Variants in TANC1 observed in about 807,000 individuals in gnomAD.
TANC1 encodes protein TANC1.
Under a neutral mutation model 149.7 loss-of-function variants are expected in TANC1, and 77 were observed. The ratio of observed to expected loss-of-function variants is 0.51; its 90% CI spans 0.43 to 0.62. The LOEUF (loss-of-function observed/expected upper bound fraction) is 0.62, where lower values mean the gene tolerates loss of function less well. TANC1 is among the 20% of genes least tolerant of loss of function. The probability of loss-of-function intolerance (pLI) is 0.00; values close to 1 mark genes in which losing one functional copy is unlikely to be tolerated. For missense variants in TANC1, 1,985 were observed against 2,321.8 expected, an observed-to-expected ratio of 0.85 and a Z score of 2.98; for synonymous variants, 854 against 925.0, an observed-to-expected ratio of 0.92 and a Z score of 1.39.
At position 159,217,511 on chromosome 2, in the gene TANC1, G is replaced by A. The variant is rs372287259; in HGVS notation, c.3259G>A (p.Ala1087Thr). 68 of 1,614,050 alleles carry A rather than the reference G, an allele frequency of 4.2e-5. No homozygotes were observed. The highest frequency in any genetic ancestry group is 6.7e-5 in the African/African-American group (5 of 74,914). ...CTTTCCTTTAGCCCTGACTGCCGCCGCAGGAAGAGGGAAGCTGGAGGTCTG... is the reference window on the plus strand; with the variant it reads ...CTTTCCTTTAGCCCTGACTGCCGCCACAGGAAGAGGGAAGCTGGAGGTCTG... ...LWGETALTAA[A>T]GRGKLEVCEL... Residue 1087 changes from alanine to threonine, a missense_variant, in exon 20 of 27, where the codon GCA (alanine) becomes ACA (threonine). Transcript: ENST00000263635.
Position 159,230,059 on chromosome 2 carries a change from T to TC in TANC1, c.4634dup (p.Ala1546GlyfsTer68). On this transcript the variant is annotated frameshift_variant, in exon 27 of 27. Transcript: ENST00000263635. LOFTEE classifies it low-confidence loss of function (END_TRUNC). This position sits in a 1 kb window ranked among gnomAD's most constrained non-coding sequence, Gnocchi z 4.4. ...CAGCCAGCACCTGGGCTCTGGCCAG[T>TC]CGGCAGTGAGAAATGGCAGTATGAA... is the stretch of plus-strand genomic sequence containing the variant. 6.2e-7 allele frequency: 1 copy of TC among 1,613,998 alleles called. No homozygotes were observed. The highest frequency in any genetic ancestry group is 8.5e-7 in the Non-Finnish European group (1 of 1,180,040).
intron 3 of TANC1, among the ~76,000 whole-genome samples, chr2:159,067,798 C>T (rs1057330292): frequency 2.6e-5 from 4 of 152,162 alleles, no homozygotes; most frequent in Non-Finnish European, 5.9e-5. Context: ...GGCCTACCAT[C>T]CTCTTTGACC....
chr2:158,999,248 TG>T (rs1455037792), intron 1 of TANC1, among the ~76,000 whole-genome samples: 1 of 152,134 alleles, frequency 6.6e-6, no homozygotes, highest in Non-Finnish European at 1.5e-5. Context: ...TGCAGCTCCC[TG>T]GGGCCCTTCA....
chr2:159,151,977 A>G (rs2052862088), intron 7 of TANC1, among the ~76,000 whole-genome samples: 1 of 152,236 alleles, frequency 6.6e-6, no homozygotes, highest in Non-Finnish European at 1.5e-5. Context: ...CCTTGTGACC[A>G]TTAGAAGGCA....
intron 13 of TANC1, among the ~76,000 whole-genome samples, chr2:159,178,064 GGCAGAC>G (rs1238986151): frequency 6.6e-6 from 1 of 152,262 alleles, no homozygotes; most frequent in Non-Finnish European, 1.5e-5. Flanking sequence ...ACAGCCCAGG[GGCAGAC>G]TCAGATTTCC....
At position 159,163,407 on chromosome 2, in the gene TANC1, C is replaced by T. The variant is rs762406928; in HGVS notation, c.807C>T (p.Cys269=). Residue 269 remains cysteine, a synonymous_variant, in exon 8 of 27, where the codon TGC becomes TGT. Coordinates refer to ENST00000263635, the MANE Select transcript of TANC1 (RefSeq NM_033394.3). ...GVLHDRRADN[C]SPVAEEETTG... ...TTCATGACCGCAGGGCAGATAACTG[C>T]TCCCCAGTGGCAGAAGAGGAGACCA... 2 of 1,614,188 alleles carry T rather than the reference C, an allele frequency of 1.2e-6. No homozygotes were observed. Among genetic ancestry groups the T allele is most frequent in the Non-Finnish European group, 1.7e-6 (2 of 1,180,040 alleles).
At chr2:158,974,099 C>G (rs2033298970) in intron 1 of TANC1, among the ~76,000 whole-genome samples, 1 of 152,166 alleles carries the variant, frequency 6.6e-6, no homozygotes, top group East Asian at 1.9e-4. Context: ...GTCCTACATA[C>G]GTAGAATACT....
chr2:159,163,396 G>A lies in TANC1; in HGVS notation c.796G>A (p.Ala266Thr). 1 of 1,614,198 alleles carries A rather than the reference G, an allele frequency of 6.2e-7. No homozygotes were observed. The highest frequency in any genetic ancestry group is 1.1e-5 in the South Asian group (1 of 91,084). The change falls in exon 8 of 27, where the codon GCA (alanine) becomes ACA (threonine). Residue 266 changes from alanine to threonine, a missense_variant. Physicochemically the swap from Ala to Thr is moderately conservative, Grantham distance 58. Coordinates refer to ENST00000263635, the MANE Select transcript of TANC1 (RefSeq NM_033394.3). ...GAAGGGAGTGCTTCATGACCGCAGG[G>A]CAGATAACTGCTCCCCAGTGGCAGA... Reference protein sequence around the residue: ...VQKGVLHDRRADNCSPVAEEE... With the variant: ...VQKGVLHDRRTDNCSPVAEEE...
intron 15 of TANC1, among the ~76,000 whole-genome samples, 162 bp downstream of exon 15, chr2:159,186,061 C>T (rs1053631777): frequency 1.3e-5 from 2 of 152,214 alleles, no homozygotes; most frequent in African/African-American, 4.8e-5. Flanking sequence ...AACCGCTGTT[C>T]TGACTCAGCC....
chr2:159,081,584 G>A (rs2044276971), intron 3 of TANC1, among the ~76,000 whole-genome samples: 1 of 152,124 alleles, frequency 6.6e-6, no homozygotes, highest in South Asian at 2.1e-4. Flanking sequence ...AAGAAAACGG[G>A]CAACTGTATT....
chr2:159,165,316 G>A lies in TANC1; in HGVS notation c.946+1770G>A, dbSNP rs576993313. 9.2e-5 allele frequency among the ~76,000 whole-genome samples: 14 copies of A among 152,308 alleles called. No homozygotes were observed. In the South Asian group the frequency reaches 1.0e-3, roughly 11 times the overall value. On this transcript the variant is annotated intron_variant, in intron 8 of 26. Coordinates refer to ENST00000263635, the MANE Select transcript of TANC1 (RefSeq NM_033394.3). Reference sequence around the variant, plus strand: ...GCTGTGCGCATTCATTAGCTTCTGCGTGTGCCCTTGAGCTAGACCTCCTGT... The same window carrying A: ...GCTGTGCGCATTCATTAGCTTCTGCATGTGCCCTTGAGCTAGACCTCCTGT...
chr2:159,222,413 C>G (rs2059763130), intron 22 of TANC1, among the ~76,000 whole-genome samples: 1 of 152,204 alleles, frequency 6.6e-6, no homozygotes, highest in African/African-American at 2.4e-5. Flanking sequence ...CCCAGCCCAT[C>G]ACAGCCACCA....
intron 8 of TANC1, among the ~76,000 whole-genome samples, chr2:159,168,890 A>C (rs1386536644): frequency 1.3e-5 from 2 of 152,190 alleles, no homozygotes; most frequent in African/African-American, 4.8e-5. Context: ...GCAGAGAAGA[A>C]TCTAGCAGCA....
intron 8 of TANC1, among the ~76,000 whole-genome samples, chr2:159,163,888 G>C (rs1221607327): frequency 6.6e-6 from 1 of 152,162 alleles, no homozygotes; most frequent in Non-Finnish European, 1.5e-5. Context: ...AATGGGAATT[G>C]TTGAGTGAGT....
intron 4 of TANC1, among the ~76,000 whole-genome samples, chr2:159,129,407 TG>T (rs2049838635): frequency 6.6e-6 from 1 of 152,144 alleles, no homozygotes; most frequent in Admixed American, 6.5e-5. Context: ...AAAGTCTATT[TG>T]GAGATTTATG....
chr2:159,113,932 C>A (rs906925712), intron 4 of TANC1, among the ~76,000 whole-genome samples: 3 of 152,148 alleles, frequency 2.0e-5, no homozygotes, highest in Non-Finnish European at 4.4e-5. Flanking sequence ...TCATTGGGAT[C>A]TGAGTTTTTG....
chr2:159,213,148 A>G (rs1165604303), intron 19 of TANC1, among the ~76,000 whole-genome samples: 1 of 152,138 alleles, frequency 6.6e-6, no homozygotes, highest in Non-Finnish European at 1.5e-5. Flanking sequence ...TGTTTTTGGG[A>G]TATCTCCTGT....
chr2:159,224,599 G>GT, intron 23 of TANC1: 1 of 487,926 alleles, frequency 2.0e-6, no homozygotes, highest in Non-Finnish European at 3.7e-6. Flanking sequence ...GTCTGGAGTG[G>GT]TATCAGTGGC....
intron 3 of TANC1, among the ~76,000 whole-genome samples, chr2:159,075,413 AAAC>A (rs1192788006): frequency 2.5e-4 from 28 of 111,752 alleles, no homozygotes; most frequent in African/African-American, 7.1e-4. Flanking sequence ...TAAAAAAAAA[AAAC>A]AAAAAAAAAA....
Sources: allele counts gnomAD v4.1 joint callset (sites outside exome capture counted in the v4.1 genomes callset), GRCh38; gene constraint gnomAD v4.1.1; non-coding constraint Gnocchi (gnomAD v3.1); transcripts MANE v1.5; gene names NCBI Gene and HGNC (gene_info 2026-07-23, HGNC 2026-07-21).